PRKAR1B: variants seen among roughly 807,000 people sequenced by gnomAD.
The protein encoded by PRKAR1B is protein kinase cAMP-dependent type I regulatory subunit beta.
A neutral mutation model predicts 46.5 loss-of-function variants in PRKAR1B; 22 were observed. The ratio of observed to expected loss-of-function variants is 0.47; its 90% CI spans 0.34 to 0.68. The LOEUF (loss-of-function observed/expected upper bound fraction) is 0.68, where lower values mean the gene tolerates loss of function less well. Ranked by LOEUF, PRKAR1B falls within the 30% of genes least tolerant of loss-of-function variation. The pLI is 0.01. For synonymous variants in PRKAR1B, 259 were observed against 217.7 expected, an observed-to-expected ratio of 1.19 and a Z score of -1.67; for missense variants, 445 against 535.6, an observed-to-expected ratio of 0.83 and a Z score of 1.67.
intron 2 of PRKAR1B, among the ~76,000 whole-genome samples, chr7:709,798 C>G (rs1490436134): frequency 6.6e-6 from 1 of 152,116 alleles, no homozygotes; most frequent in East Asian, 1.9e-4. Context: ...CCCTGGGTAG[C>G]TGGGACCACA....
Position 685,401 on chromosome 7 carries a change from T to TATAC in PRKAR1B, c.178-4676_178-4675insGTAT, listed in dbSNP as rs1554303271. 1.5e-4 allele frequency among the ~76,000 whole-genome samples: 18 copies of TATAC among 122,350 alleles called. 1 individual carries two copies. Among genetic ancestry groups the TATAC allele is most frequent in the Non-Finnish European group, 2.0e-4 (12 of 60,566 alleles). The allele number at this position is 122,350 out of a possible 152,430, so 80.3% of individuals were successfully genotyped here. On this transcript the variant is annotated intron_variant, in intron 2 of 10. Coordinates refer to ENST00000537384, the MANE Select transcript of PRKAR1B (RefSeq NM_001164760.2). ...ATATACATACATATATATATATATA[T>TATAC]GTATATATATACCAAAAACATTCCA... is the stretch of plus-strand genomic sequence containing the variant.
intron 2 of PRKAR1B, among the ~76,000 whole-genome samples, chr7:704,685 C>G (rs1442988640): frequency 6.6e-6 from 1 of 152,030 alleles, no homozygotes; most frequent in Non-Finnish European, 1.5e-5. Context: ...AGGAGAATCA[C>G]TTGAACCCAG....
chr7:715,921 T>C (rs949838927), intron 1 of PRKAR1B, among the ~76,000 whole-genome samples: 8 of 152,166 alleles, frequency 5.3e-5, no homozygotes, highest in Admixed American at 1.3e-4. Flanking sequence ...TTCACCGTGT[T>C]AGCCAGGATG....
At chr7:662,222 G>A (rs1440246279) in intron 4 of PRKAR1B, among the ~76,000 whole-genome samples, 53 of 57,692 alleles carry the variant, frequency 9.2e-4, no homozygotes, top group Non-Finnish European at 9.8e-4. Context: ...ACCCCAACGG[G>A]TCCAAATACC....
chr7:701,512 A>G (rs1459030327), intron 2 of PRKAR1B, among the ~76,000 whole-genome samples: 1 of 152,206 alleles, frequency 6.6e-6, no homozygotes, highest in East Asian at 1.9e-4. Context: ...GTTGAAAGGT[A>G]TAAATATTCA....
chr7:584,447 G>C (rs1780483418), intron 8 of PRKAR1B, 61 bp downstream of exon 8: 28 of 1,459,442 alleles, frequency 1.9e-5, no homozygotes, highest in South Asian at 1.8e-4. Context: ...GAAGAGGCCG[G>C]GGTGGCCAGC....
At chr7:610,127 A>G (rs1782391116) in intron 4 of PRKAR1B, among the ~76,000 whole-genome samples, 1 of 152,156 alleles carries the variant, frequency 6.6e-6, no homozygotes, top group African/African-American at 2.4e-5. Flanking sequence ...GGTTCCTGCC[A>G]TCACACGCTG....
At chr7:655,969 T>A (rs532555412) in intron 4 of PRKAR1B, among the ~76,000 whole-genome samples, 1 of 152,252 alleles carries the variant, frequency 6.6e-6, no homozygotes, top group East Asian at 1.9e-4. Context: ...AGTGGTTGGG[T>A]TTCTCACTGA....
chr7:697,437 T>C (rs1376437619), intron 2 of PRKAR1B, among the ~76,000 whole-genome samples: 3 of 152,116 alleles, frequency 2.0e-5, no homozygotes, highest in African/African-American at 7.2e-5. Flanking sequence ...AGGCGGCTGA[T>C]CCACCCCGCC....
At chr7:654,304 T>C (rs1336811206) in intron 4 of PRKAR1B, among the ~76,000 whole-genome samples, 15 of 120,908 alleles carry the variant, frequency 1.2e-4, no homozygotes, top group East Asian at 5.8e-4. Flanking sequence ...TCACCATCTT[T>C]ATCACCATCA....
chr7:658,049 C>T (rs1785303704), intron 4 of PRKAR1B, among the ~76,000 whole-genome samples: 1 of 152,182 alleles, frequency 6.6e-6, no homozygotes, highest in African/African-American at 2.4e-5. Flanking sequence ...GAGACAGCAG[C>T]TCCGTGAGCC....
intron 4 of PRKAR1B, among the ~76,000 whole-genome samples, chr7:641,991 C>T (rs1472076556): frequency 6.6e-6 from 1 of 152,108 alleles, no homozygotes; most frequent in African/African-American, 2.4e-5. Context: ...CAGCCTCAAC[C>T]TCCCGGGTTC....
At chr7:636,990 C>A (rs1396342761) in intron 4 of PRKAR1B, among the ~76,000 whole-genome samples, 1 of 152,192 alleles carries the variant, frequency 6.6e-6, no homozygotes, top group Admixed American at 6.5e-5. Context: ...CAGGACCAGT[C>A]AGAAACCTTG....
chr7:594,981 C>T (rs76259382), intron 7 of PRKAR1B, among the ~76,000 whole-genome samples: 1,552 of 152,362 alleles, frequency 0.01, 74 homozygotes, highest in Admixed American at 0.081. Context: ...GCTGTCTACG[C>T]TCACTGGATG....
intron 4 of PRKAR1B, 137 bp from the exon 5 acceptor site, chr7:607,589 G>A: frequency 3.8e-6 from 3 of 788,298 alleles, no homozygotes; most frequent in East Asian, 5.4e-5. Context: ...AGAGTTCAAA[G>A]AAGAAAATTG....
At chr7:711,722 C>T (rs868740391) in intron 1 of PRKAR1B, among the ~76,000 whole-genome samples, 195 bp from the exon 2 acceptor site, 83 of 145,246 alleles carry the variant, frequency 5.7e-4, no homozygotes, top group African/African-American at 1.9e-3. Context: ...CTTCCCTCCC[C>T]ACAGACCCCC....
In PRKAR1B at chr7:727,050, C is replaced by T. The variant is rs1483548001; in HGVS notation, c.-23+160G>A. ...TGGGCCTGCGCCGCGCCGCGCGGCC[C>T]CGCGATGCCCTGCCGCGCCTGCTGC... On this transcript the variant is annotated intron_variant, in intron 1 of 10. Transcript: ENST00000537384. The T allele has an allele frequency of 1.8e-6, 2 of 1,095,646 alleles. No homozygotes were observed. The highest frequency in any genetic ancestry group is 5.5e-5 in the East Asian group (1 of 18,040). 67.9% of individuals were successfully genotyped at this position (1,095,646 alleles called of 1,614,324 possible).
At chr7:665,280 C>T (rs1403301026) in intron 4 of PRKAR1B, among the ~76,000 whole-genome samples, 2 of 152,160 alleles carry the variant, frequency 1.3e-5, no homozygotes, top group African/African-American at 2.4e-5. Flanking sequence ...AAGTCAGCCC[C>T]AAGCAGCCAC....
At chr7:611,444 G>A (rs767566361) in intron 4 of PRKAR1B, among the ~76,000 whole-genome samples, 2 of 152,218 alleles carry the variant, frequency 1.3e-5, no homozygotes, top group African/African-American at 4.8e-5. Context: ...TCCAGGAAAC[G>A]GCCTGTCCCG....
Sources: allele counts gnomAD v4.1 joint callset (sites outside exome capture counted in the v4.1 genomes callset), GRCh38; gene constraint gnomAD v4.1.1; transcripts MANE v1.5; gene names NCBI Gene and HGNC (gene_info 2026-07-23, HGNC 2026-07-21).